Variants in SLC25A28 observed in about 807,000 individuals in gnomAD.
SLC25A28 encodes the protein solute carrier family 25 member 28.
In SLC25A28, 10 loss-of-function variants were observed where a neutral mutation model predicts 31.9. The ratio of observed to expected loss-of-function variants is 0.31; its 90% CI spans 0.19 to 0.53. SLC25A28 has a LOEUF of 0.53. Ranked by LOEUF, SLC25A28 falls within the 20% of genes least tolerant of loss-of-function variation. SLC25A28 has a pLI of 0.95. For missense variants in SLC25A28, 256 were observed against 490.3 expected, an observed-to-expected ratio of 0.52 and a Z score of 4.51; for synonymous variants, 208 against 203.6, an observed-to-expected ratio of 1.02 and a Z score of -0.19.
chr10:99,620,664 A>C, upstream of SLC25A28: 1 of 987,832 alleles, frequency 1.0e-6, no homozygotes, highest in Non-Finnish European at 1.2e-6. Context: ...ATTGGCCGAC[A>C]TGTGCGATCA....
the SLC25A28 span, among the ~76,000 whole-genome samples, chr10:99,626,892 G>A: frequency 6.6e-6 from 1 of 151,418 alleles, no homozygotes; most frequent in Non-Finnish European, 1.5e-5. Context: ...TTCCACTTTT[G>A]TCTGTCTGAT....
At chr10:99,642,687 A>C in the SLC25A28 span, among the ~76,000 whole-genome samples, 2 of 152,260 alleles carry the variant, frequency 1.3e-5, no homozygotes, top group Middle Eastern at 3.4e-3. Flanking sequence ...ATTCAGTATG[A>C]TATTGGCTGT....
At position 99,613,016 on chromosome 10, in the gene SLC25A28, C is replaced by T. The variant is rs111965195; in HGVS notation, c.521-417G>A. Among the ~76,000 whole-genome samples, 1 of 152,106 alleles carries T rather than the reference C, an allele frequency of 6.6e-6. No individual in the cohort carries two copies. The highest frequency in any genetic ancestry group is 1.5e-5 in the Non-Finnish European group (1 of 68,020). On this transcript the variant is annotated intron_variant, in intron 2 of 3. Coordinates refer to ENST00000370495, the MANE Select transcript of SLC25A28 (RefSeq NM_031212.4). This position sits in a 1 kb window ranked among gnomAD's most constrained non-coding sequence, Gnocchi z 4.9. The stretch of plus-strand genomic sequence containing the variant: ...CCACAGAATCCCACCTCAGTCCTGC[C>T]GCAGAACCCATTTGCAGAGCCTAAC...
At chr10:99,655,778 G>A in the SLC25A28 span, among the ~76,000 whole-genome samples, 1 of 152,042 alleles carries the variant, frequency 6.6e-6, no homozygotes, top group Middle Eastern at 3.2e-3. Flanking sequence ...GAGGGTATGG[G>A]CCCACCATGA....
chr10:99,648,768 A>G, the SLC25A28 span, among the ~76,000 whole-genome samples: 1 of 142,538 alleles, frequency 7.0e-6, no homozygotes, highest in East Asian at 2.1e-4. Context: ...ATTGTTGTAT[A>G]GAAACACTAC....
intron 1 of SLC25A28, chr10:99,619,000 G>C (rs925741267): frequency 1.0e-6 from 1 of 985,412 alleles, no homozygotes; most frequent in Middle Eastern, 5.2e-4. Flanking sequence ...CATATCAACA[G>C]TCCCCTCTAG....
chr10:99,651,055 A>C, the SLC25A28 span, among the ~76,000 whole-genome samples: 1 of 152,204 alleles, frequency 6.6e-6, no homozygotes, highest in South Asian at 2.1e-4. Context: ...TGGAGTGTGG[A>C]GCCCTAGGGA....
At position 99,610,911 on chromosome 10, in the gene SLC25A28, C is replaced by T; in HGVS notation, c.1033G>A (p.Val345Met). ...ATTAGGTATTTGAAGAACTCATACA[C>T]AGACCATGCGATGGCTGTGGAGGGG... ...QIPSTAIAWS[V>M]YEFFKYLITK... The change falls in exon 4 of 4, where the codon GTG (valine) becomes ATG (methionine). Residue 345 changes from valine (V) to methionine (M), a missense_variant. Coordinates refer to ENST00000370495, the MANE Select transcript of SLC25A28 (RefSeq NM_031212.4). 1 of 1,614,242 alleles carries T rather than the reference C, an allele frequency of 6.2e-7. No individual in the cohort carries two copies.
chr10:99,642,308 T>C, the SLC25A28 span, among the ~76,000 whole-genome samples: 1 of 152,186 alleles, frequency 6.6e-6, no homozygotes, highest in African/African-American at 2.4e-5. Context: ...GATTCCTAGG[T>C]ATTTTATTCT....
At chr10:99,644,734 T>C in the SLC25A28 span, among the ~76,000 whole-genome samples, 4 of 152,216 alleles carry the variant, frequency 2.6e-5, no homozygotes, top group Non-Finnish European at 5.9e-5. Context: ...TCAGGAGCTC[T>C]TGTAAGGCAG....
chr10:99,653,487 C>T, the SLC25A28 span, among the ~76,000 whole-genome samples: 1 of 152,304 alleles, frequency 6.6e-6, no homozygotes, highest in African/African-American at 2.4e-5. Flanking sequence ...GAGGGGCAAC[C>T]AAACTCCTGA....
the SLC25A28 span, among the ~76,000 whole-genome samples, chr10:99,626,990 C>T: frequency 6.6e-6 from 1 of 151,962 alleles, no homozygotes; most frequent in African/African-American, 2.4e-5. Flanking sequence ...TCACACCTCC[C>T]AGCACTTTGG....
chr10:99,634,596 GA>G, the SLC25A28 span, among the ~76,000 whole-genome samples: 1 of 151,984 alleles, frequency 6.6e-6, no homozygotes, highest in African/African-American at 2.4e-5. Flanking sequence ...CAAAGACAAA[GA>G]AAAAAGATTA....
the SLC25A28 span, among the ~76,000 whole-genome samples, chr10:99,647,682 G>A: frequency 1.3e-5 from 2 of 152,052 alleles, no homozygotes; most frequent in Admixed American, 1.3e-4. Flanking sequence ...GTCTATTTTT[G>A]TTCTTGCTAT....
upstream of SLC25A28, among the ~76,000 whole-genome samples, chr10:99,624,745 G>A (rs938889024): frequency 6.6e-6 from 1 of 152,146 alleles, no homozygotes; most frequent in African/African-American, 2.4e-5. Context: ...TGAGGTGGGA[G>A]AATCACTTGA....
chr10:99,618,051 A>G (rs1042933279), intron 1 of SLC25A28, among the ~76,000 whole-genome samples: 3 of 152,184 alleles, frequency 2.0e-5, no homozygotes, highest in African/African-American at 7.2e-5. Flanking sequence ...AAGCAGTATT[A>G]CCCATTTTGA....
chr10:99,616,902 G>T, intron 1 of SLC25A28: 5 of 942,070 alleles, frequency 5.3e-6, no homozygotes, highest in Non-Finnish European at 6.3e-6. Flanking sequence ...TGTATGTAAG[G>T]TACTTCAGAT....
At chr10:99,612,429 A>T in intron 3 of SLC25A28, 114 bp downstream of exon 3, 2 of 1,189,682 alleles carry the variant, frequency 1.7e-6, no homozygotes, top group Non-Finnish European at 2.4e-6. Flanking sequence ...AGCACCCTCT[A>T]GTGGTAAAAC....
the SLC25A28 span, among the ~76,000 whole-genome samples, chr10:99,650,904 C>A: frequency 2.0e-5 from 3 of 152,168 alleles, no homozygotes; most frequent in Non-Finnish European, 4.4e-5. Flanking sequence ...CTGCTGTAGT[C>A]TCAGATGCCT....
Sources: gnomAD v4.1 joint callset for allele counts (sites outside exome capture counted in the v4.1 genomes callset) on GRCh38, gnomAD v4.1.1 for gene constraint, Gnocchi (gnomAD v3.1) non-coding constraint, MANE v1.5 for transcripts, NCBI Gene and HGNC (gene_info 2026-07-23, HGNC 2026-07-21) for gene names.